The following GPHN variants were observed in gnomAD, a reference collection of about 807,000 sequenced individuals.
The protein encoded by GPHN is gephyrin.
GPHN carries 17 observed loss-of-function variants against 95.5 expected under a neutral mutation model. The observed-to-expected ratio is 0.18, with a 90% CI of 0.12 to 0.27. The LOEUF (loss-of-function observed/expected upper bound fraction) is 0.27. GPHN is among the 10% of genes least tolerant of loss of function. The probability of loss-of-function intolerance (pLI) is 1.00; values close to 1 mark genes in which losing one functional copy is unlikely to be tolerated. For missense variants in GPHN, 660 were observed against 978.1 expected, an observed-to-expected ratio of 0.67 and a Z score of 4.34; for synonymous variants, 320 against 322.5, an observed-to-expected ratio of 0.99 and a Z score of 0.08.
chr14:67,587,608 G>A, the GPHN span: 1 of 286,032 alleles, frequency 3.5e-6, no homozygotes, highest in Non-Finnish European at 6.8e-6. Flanking sequence ...GGGGGGGCGG[G>A]GGACACAGTG....
At chr14:67,190,488 T>A in the GPHN span, among the ~76,000 whole-genome samples, 1 of 151,252 alleles carries the variant, frequency 6.6e-6, no homozygotes, top group Non-Finnish European at 1.5e-5. Flanking sequence ...CTCCCAAAGT[T>A]CTGGGATTAC....
intron 1 of GPHN, among the ~76,000 whole-genome samples, chr14:66,584,375 T>G (rs1404114240): frequency 6.6e-6 from 1 of 152,188 alleles, no homozygotes; most frequent in Non-Finnish European, 1.5e-5. Context: ...TGAATACCCT[T>G]TATTTCCTTC....
the GPHN span, among the ~76,000 whole-genome samples, chr14:67,438,538 C>T: frequency 2.6e-5 from 4 of 152,112 alleles, no homozygotes; most frequent in African/African-American, 9.7e-5. Flanking sequence ...GAATAATAAC[C>T]CCCTTCCTAG....
the GPHN span, among the ~76,000 whole-genome samples, chr14:67,465,418 G>A: frequency 5.4e-5 from 7 of 128,724 alleles, no homozygotes; most frequent in African/African-American, 1.8e-4. Context: ...ACCACAAAAG[G>A]TTTGTAAGCC....
chr14:66,954,535 G>A (rs1254167645), intron 8 of GPHN, among the ~76,000 whole-genome samples: 1 of 152,126 alleles, frequency 6.6e-6, no homozygotes, highest in African/African-American at 2.4e-5. Context: ...TTTTGTGGAT[G>A]TTTCAGGAAT....
chr14:67,405,824 T>C, the GPHN span, among the ~76,000 whole-genome samples: 2 of 152,180 alleles, frequency 1.3e-5, no homozygotes, highest in Admixed American at 6.5e-5. Flanking sequence ...GAGCTCAGAA[T>C]TGGACCCTAC....
At chr14:66,522,179 A>C (rs940571937) in intron 1 of GPHN, among the ~76,000 whole-genome samples, 9 of 152,274 alleles carry the variant, frequency 5.9e-5, no homozygotes, top group Non-Finnish European at 1.3e-4. Flanking sequence ...ACTCTATATA[A>C]AAGAGTGGTT....
At chr14:67,539,654 CTT>C in the GPHN span, among the ~76,000 whole-genome samples, 2 of 152,158 alleles carry the variant, frequency 1.3e-5, no homozygotes, top group African/African-American at 4.8e-5. Context: ...CTACCACACT[CTT>C]TGTGAAATTG....
At chr14:67,134,430 T>A (rs1045771714) in intron 17 of GPHN, among the ~76,000 whole-genome samples, 1 of 152,244 alleles carries the variant, frequency 6.6e-6, no homozygotes, top group African/African-American at 2.4e-5. Context: ...AAGTACTGTT[T>A]ATGATTATAT....
At chr14:67,681,465 AC>A in the GPHN span, among the ~76,000 whole-genome samples, 1 of 152,068 alleles carries the variant, frequency 6.6e-6, no homozygotes, top group African/African-American at 2.4e-5. Flanking sequence ...ATGAAGGTTG[AC>A]CCCTACCTCA....
At chr14:66,979,339 T>TTAGTA (rs2070493640) in intron 9 of GPHN, among the ~76,000 whole-genome samples, 1 of 152,242 alleles carries the variant, frequency 6.6e-6, no homozygotes, top group Non-Finnish European at 1.5e-5. Context: ...AATCTGTTGT[T>TTAGTA]TAGTATAGCT....
chr14:67,316,888 G>A, the GPHN span: 1 of 1,611,238 alleles, frequency 6.2e-7, no homozygotes, highest in Non-Finnish European at 8.5e-7. Flanking sequence ...AGAAGATAAG[G>A]AGCCAGAAAA....
the GPHN span, chr14:67,392,976 G>A: frequency 2.3e-6 from 2 of 869,380 alleles, no homozygotes; most frequent in Middle Eastern, 3.5e-4. Flanking sequence ...CAGACTGAAG[G>A]CCACACCTGC....
chr14:67,282,736 T>C, the GPHN span, among the ~76,000 whole-genome samples: 1 of 152,090 alleles, frequency 6.6e-6, no homozygotes, highest in Non-Finnish European at 1.5e-5. Context: ...TTGGCATTAG[T>C]TTTTAAAGCT....
At chr14:66,966,811 G>T (rs931058844) in intron 9 of GPHN, among the ~76,000 whole-genome samples, 1 of 151,912 alleles carries the variant, frequency 6.6e-6, no homozygotes, top group African/African-American at 2.4e-5. Flanking sequence ...AATATTTTTT[G>T]AAAATATTTT....
the GPHN span, among the ~76,000 whole-genome samples, chr14:67,560,164 G>A: frequency 1.3e-5 from 2 of 151,988 alleles, no homozygotes; most frequent in African/African-American, 4.8e-5. Context: ...AGTAGCTGGG[G>A]TTACAGGCAC....
At chr14:67,605,234 AT>A in the GPHN span, among the ~76,000 whole-genome samples, 3 of 152,158 alleles carry the variant, frequency 2.0e-5, no homozygotes, top group Non-Finnish European at 4.4e-5. Flanking sequence ...GTCTTCTCTA[AT>A]TTCTCTCAGC....
At chr14:67,710,533 C>T in the GPHN span, among the ~76,000 whole-genome samples, 7 of 152,126 alleles carry the variant, frequency 4.6e-5, no homozygotes, top group Admixed American at 6.6e-5. Context: ...TACTCTAGGA[C>T]TAAATTTACC....
the GPHN span, among the ~76,000 whole-genome samples, chr14:67,229,152 G>T: frequency 6.6e-6 from 1 of 152,332 alleles, no homozygotes; most frequent in Admixed American, 6.5e-5. Context: ...CTAGAAAATG[G>T]TGGAGATGAT....
Sources: allele counts gnomAD v4.1 joint callset (sites outside exome capture counted in the v4.1 genomes callset), GRCh38; gene constraint gnomAD v4.1.1; transcripts MANE v1.5; gene names NCBI Gene and HGNC (gene_info 2026-07-23, HGNC 2026-07-21).